The following IMMP2L variants were observed in gnomAD, a reference collection of about 807,000 sequenced individuals.
The protein encoded by IMMP2L is mitochondrial inner membrane protease subunit 2.
Under a neutral mutation model 19.3 loss-of-function variants are expected in IMMP2L, and 18 were observed. The ratio of observed to expected loss-of-function variants is 0.93; its 90% CI spans 0.64 to 1.38. The LOEUF is 1.38. Ranked by LOEUF, IMMP2L falls within the 40% of genes most tolerant of loss-of-function variation. The pLI is 0.00. For synonymous variants in IMMP2L, 76 were observed against 73.0 expected, an observed-to-expected ratio of 1.04 and a Z score of -0.21; for missense variants, 233 against 218.2, an observed-to-expected ratio of 1.07 and a Z score of -0.43.
rs181806429 is a variant in IMMP2L at position 111,390,859 on chromosome 7, A to C, written c.239+96379T>G. On this transcript the variant is annotated intron_variant, in intron 3 of 5. Transcript: ENST00000405709. The stretch of plus-strand genomic sequence containing the variant: ...TATTTTTAGTATCACATTTTAAAAC[A>C]AAAAAGCACAAATGCAGACACATTA... 3.6e-3 allele frequency: 549 copies of C among 152,294 alleles called. 3 individuals are homozygous for C. Among genetic ancestry groups the C allele is most frequent in the African/African-American group, 0.013 (524 of 41,580 alleles). The allele number at this position is 152,294 out of a possible 1,614,324, so 9.4% of individuals were successfully genotyped here.
chr7:110,837,156 G>A (rs936248317), intron 5 of IMMP2L, among the ~76,000 whole-genome samples: 1 of 152,104 alleles, frequency 6.6e-6, no homozygotes, highest in African/African-American at 2.4e-5. Flanking sequence ...TCATATTATG[G>A]AATATTATAC....
intron 3 of IMMP2L, among the ~76,000 whole-genome samples, chr7:111,007,664 T>C (rs190977720): frequency 1.3e-5 from 2 of 152,118 alleles, no homozygotes; most frequent in Admixed American, 6.6e-5. Flanking sequence ...TATGTACACA[T>C]ATAGACATGT....
At chr7:111,266,383 A>T (rs1467771939) in intron 3 of IMMP2L, among the ~76,000 whole-genome samples, 5 of 151,922 alleles carry the variant, frequency 3.3e-5, no homozygotes, top group African/African-American at 1.2e-4. Flanking sequence ...TCCCTATTAA[A>T]AATACAGTAA....
intron 3 of IMMP2L, among the ~76,000 whole-genome samples, chr7:111,312,122 T>G (rs779217092): frequency 6.6e-6 from 1 of 152,108 alleles, no homozygotes; most frequent in African/African-American, 2.4e-5. Context: ...GATATTTTCA[T>G]GCAAGACTGA....
intron 3 of IMMP2L, among the ~76,000 whole-genome samples, chr7:111,000,333 A>G (rs1823527772): frequency 6.6e-6 from 1 of 152,158 alleles, no homozygotes; most frequent in South Asian, 2.1e-4. Context: ...TCTAAATAAA[A>G]GTTCTTGATA....
chr7:110,914,444 T>C (rs915380786), intron 4 of IMMP2L, among the ~76,000 whole-genome samples: 3 of 152,176 alleles, frequency 2.0e-5, no homozygotes, highest in Non-Finnish European at 4.4e-5. Flanking sequence ...ATGAACAAAA[T>C]TAATTTTTCT....
intron 3 of IMMP2L, among the ~76,000 whole-genome samples, chr7:111,016,706 AATTTTATATATATTTAT>A (rs1240846836): frequency 2.0e-5 from 2 of 101,110 alleles, no homozygotes; most frequent in African/African-American, 8.4e-5. Context: ...TATTATATAT[AATTTTATATATATTTAT>A]ATATAAAATA....
intron 3 of IMMP2L, among the ~76,000 whole-genome samples, chr7:111,308,251 C>A (rs1157784986): frequency 1.3e-5 from 2 of 151,780 alleles, no homozygotes; most frequent in South Asian, 4.1e-4. Flanking sequence ...ATATTATACA[C>A]CTTTCATGAA....
chr7:111,239,232 T>C (rs1814707589), intron 3 of IMMP2L, among the ~76,000 whole-genome samples: 3 of 151,930 alleles, frequency 2.0e-5, no homozygotes, highest in Admixed American at 6.6e-5. Flanking sequence ...ACTACTTTAC[T>C]TTCCCTGAAA....
chr7:111,521,359 A>C lies in IMMP2L; in HGVS notation c.89T>G (p.Leu30Trp). 2.5e-6 allele frequency: 4 copies of C among 1,613,376 alleles called. No homozygotes were observed. The highest frequency in any genetic ancestry group is 3.4e-6 in the Non-Finnish European group (4 of 1,179,524). The change falls in exon 2 of 6, where the codon TTG becomes TGG. Residue 30 changes from leucine (L) to tryptophan (W), a missense_variant. Coordinates refer to ENST00000405709, the MANE Select transcript of IMMP2L (RefSeq NM_032549.4). ...TCTTGCCACACAGGCGACCCGATCC[A>C]AGAAAGTCACTGCCACAGGCACCGC... ...FVAVPVAVTF[L>W]DRVACVARVE...
chr7:110,701,633 C>T (rs1338333417), intron 5 of IMMP2L, among the ~76,000 whole-genome samples: 3 of 152,106 alleles, frequency 2.0e-5, no homozygotes, highest in Admixed American at 2.0e-4. Flanking sequence ...CCATGTTGGC[C>T]AGGCTGGTCT....
intron 3 of IMMP2L, among the ~76,000 whole-genome samples, chr7:110,981,269 AAAAG>A (rs1237227007): frequency 1.3e-5 from 2 of 152,108 alleles, no homozygotes; most frequent in Non-Finnish European, 2.9e-5. Context: ...TGAAAATAAA[AAAAG>A]AAAAAAAGAA....
At chr7:111,460,902 T>C (rs989680810) in intron 3 of IMMP2L, among the ~76,000 whole-genome samples, 2 of 152,126 alleles carry the variant, frequency 1.3e-5, no homozygotes, top group African/African-American at 4.8e-5. Flanking sequence ...TTCAGCATTT[T>C]AGTATAGTTC....
intron 3 of IMMP2L, among the ~76,000 whole-genome samples, chr7:111,119,673 A>G (rs1800347939): frequency 6.6e-6 from 1 of 152,234 alleles, no homozygotes; most frequent in South Asian, 2.1e-4. Flanking sequence ...ATGTAAAAGG[A>G]TGCATACAGG....
intron 5 of IMMP2L, among the ~76,000 whole-genome samples, chr7:110,886,291 G>A (rs759790985): frequency 5.9e-5 from 9 of 151,806 alleles, no homozygotes; most frequent in East Asian, 1.9e-4. Context: ...AAGTATTCCC[G>A]TGGGAGAAAA....
At chr7:111,107,296 T>C (rs1054801328) in intron 3 of IMMP2L, among the ~76,000 whole-genome samples, 1 of 152,060 alleles carries the variant, frequency 6.6e-6, no homozygotes, top group Non-Finnish European at 1.5e-5. Flanking sequence ...TATATGGGCA[T>C]GTAAAATTGC....
chr7:111,412,929 G>A (rs73424091), intron 3 of IMMP2L, among the ~76,000 whole-genome samples: 15,327 of 151,170 alleles, frequency 0.1, 1,341 homozygotes, highest in African/African-American at 0.2. Context: ...GCAAATAATC[G>A]AAGAAATAAA....
chr7:111,172,239 T>G (rs140453339), intron 3 of IMMP2L, among the ~76,000 whole-genome samples: 2 of 151,494 alleles, frequency 1.3e-5, no homozygotes, highest in South Asian at 4.1e-4. Context: ...GCACTCAACA[T>G]TGAGTGCTTT....
chr7:111,252,745 C>T (rs935868016), intron 3 of IMMP2L, among the ~76,000 whole-genome samples: 2 of 152,102 alleles, frequency 1.3e-5, no homozygotes, highest in Non-Finnish European at 2.9e-5. Flanking sequence ...AATAATTATG[C>T]AAACATATCT....
Sources: allele counts gnomAD v4.1 joint callset (sites outside exome capture counted in the v4.1 genomes callset), GRCh38; gene constraint gnomAD v4.1.1; transcripts MANE v1.5; gene names NCBI Gene and HGNC (gene_info 2026-07-23, HGNC 2026-07-21).